Variants in L2HGDH observed in about 807,000 individuals in gnomAD.
L2HGDH encodes the protein L-2-hydroxyglutarate dehydrogenase, mitochondrial.
Under a neutral mutation model 51.5 loss-of-function variants are expected in L2HGDH, and 34 were observed. The observed-to-expected ratio is 0.66, with a 90% confidence interval of 0.50 to 0.88. The LOEUF (loss-of-function observed/expected upper bound fraction) is 0.88, where lower values mean the gene tolerates loss of function less well. Among genes scored for constraint, L2HGDH ranks in the 40% least tolerant of loss-of-function variants. The pLI, the probability that L2HGDH is intolerant of heterozygous loss-of-function variation, is 0.00. For synonymous variants in L2HGDH, 198 were observed against 197.9 expected, an observed-to-expected ratio of 1.00 and a Z score of -0.01; for missense variants, 558 against 571.9, an observed-to-expected ratio of 0.98 and a Z score of 0.25.
chr14:50,267,438 T>C (rs186144972), intron 8 of L2HGDH, among the ~76,000 whole-genome samples: 1 of 152,278 alleles, frequency 6.6e-6, no homozygotes, highest in African/African-American at 2.4e-5. Context: ...TGCCTCGGCC[T>C]CCCAGAGTGC....
chr14:50,281,143 A>G (rs1890246421), intron 5 of L2HGDH, among the ~76,000 whole-genome samples: 1 of 152,166 alleles, frequency 6.6e-6, no homozygotes. Context: ...GGAGAGAAAA[A>G]GGAAAAAAAA....
Position 50,294,169 on chromosome 14 carries a change from C to G in L2HGDH, c.486G>C (p.Pro162=), listed in dbSNP as rs201124642. 1.9e-6 allele frequency: 3 copies of G among 1,613,746 alleles called. No homozygotes were observed. The highest frequency in any genetic ancestry group is 3.3e-5 in the Admixed American group (2 of 59,964). ...LYEKGLQNGV[P]GLRLIQQEDI... ...CCTCCTGCTGGATCAGCCTCAGGCC[C>G]GGGACACCATTCTGGAGGCCTTTCT... The change falls in exon 4 of 10, where the codon CCG becomes CCC. Residue 162 remains proline (P), a synonymous_variant. Coordinates refer to ENST00000267436, the MANE Select transcript of L2HGDH (RefSeq NM_024884.3).
At chr14:50,303,822 A>AC (rs1335647919) in intron 1 of L2HGDH, among the ~76,000 whole-genome samples, 5 of 151,246 alleles carry the variant, frequency 3.3e-5, no homozygotes, top group East Asian at 1.9e-4. Flanking sequence ...AAAAAAAAAA[A>AC]AAAAAACCTC....
At chr14:50,290,987 C>T (rs1890846474) in intron 4 of L2HGDH, among the ~76,000 whole-genome samples, 1 of 151,976 alleles carries the variant, frequency 6.6e-6, no homozygotes, top group Non-Finnish European at 1.5e-5. Flanking sequence ...ATCACAAGGT[C>T]AGGAGTTTGA....
chr14:50,296,904 TAG>T (rs766805144), intron 3 of L2HGDH, among the ~76,000 whole-genome samples: 48 of 152,166 alleles, frequency 3.2e-4, no homozygotes, highest in Non-Finnish European at 6.5e-4. Flanking sequence ...CAGCAACATA[TAG>T]AGAGGATTTT....
At chr14:50,281,289 C>A (rs942128556) in intron 5 of L2HGDH, among the ~76,000 whole-genome samples, 2 of 152,068 alleles carry the variant, frequency 1.3e-5, no homozygotes, top group African/African-American at 4.8e-5. Flanking sequence ...TCCTTTCCAG[C>A]AGTATAATAA....
At chr14:50,287,442 C>G (rs1056817341) in intron 4 of L2HGDH, 1 of 361,760 alleles carries the variant, frequency 2.8e-6, no homozygotes, top group Non-Finnish European at 3.8e-6. Flanking sequence ...TTTTCATGAC[C>G]AAATCTATAA....
rs1890426969 is a variant in L2HGDH, at chr14:50,284,041, A to G, written c.541-8T>C. On this transcript the variant is annotated splice_polypyrimidine_tract_variant and splice_region_variant and intron_variant, in intron 4 of 9. Coordinates refer to ENST00000267436, the MANE Select transcript of L2HGDH (RefSeq NM_024884.3). ...ATCAATAGCCATTAGACCCTGAAACAGAATTATGAAAAGATAACAGATAAG... is the reference window on the plus strand; with the variant it reads ...ATCAATAGCCATTAGACCCTGAAACGGAATTATGAAAAGATAACAGATAAG... The G allele has an allele frequency of 3.7e-6, 6 of 1,611,230 alleles. No homozygotes were observed. The highest frequency in any genetic ancestry group is 5.1e-6 in the Non-Finnish European group (6 of 1,177,616).
intron 4 of L2HGDH, among the ~76,000 whole-genome samples, chr14:50,285,130 C>G (rs1233247857): frequency 6.6e-6 from 1 of 152,154 alleles, no homozygotes; most frequent in East Asian, 1.9e-4. Context: ...ACCTGTAGAC[C>G]CAGCTACTCA....
intron 9 of L2HGDH, among the ~76,000 whole-genome samples, chr14:50,260,226 C>T (rs1033976203): frequency 6.6e-6 from 1 of 151,350 alleles, no homozygotes; most frequent in Non-Finnish European, 1.5e-5. Context: ...TATTTTTTTT[C>T]CAGACTTCCT....
chr14:50,274,464 AAAC>A (rs372050623), intron 6 of L2HGDH, among the ~76,000 whole-genome samples: 187 of 152,340 alleles, frequency 1.2e-3, no homozygotes, highest in Non-Finnish European at 1.9e-3. Context: ...AGACAAAAGA[AAAC>A]AAGCATTGGT....
intron 5 of L2HGDH, among the ~76,000 whole-genome samples, chr14:50,279,054 G>C (rs1017227001): frequency 6.6e-6 from 1 of 152,112 alleles, no homozygotes; most frequent in African/African-American, 2.4e-5. Flanking sequence ...AGATACATGG[G>C]ATCTCAAAGT....
At chr14:50,310,936 C>CTTTTTTTTTTTTTTTTTTTT (rs34399906) in intron 1 of L2HGDH, among the ~76,000 whole-genome samples, 9 of 82,236 alleles carry the variant, frequency 1.1e-4, no homozygotes, top group Non-Finnish European at 1.6e-4. Context: ...CTTTTCTTTT[C>CTTTTTTTTTTTTTTTTTTTT]TTTTTTTTTT....
chr14:50,292,055 G>A (rs190136630), intron 4 of L2HGDH, among the ~76,000 whole-genome samples: 28 of 152,224 alleles, frequency 1.8e-4, no homozygotes, highest in Non-Finnish European at 3.1e-4. Context: ...TACTATTAAT[G>A]AGAGTATCAG....
chr14:50,264,513 A>G (rs535604355), intron 9 of L2HGDH, among the ~76,000 whole-genome samples: 1 of 152,328 alleles, frequency 6.6e-6, no homozygotes, highest in South Asian at 2.1e-4. Context: ...GTAAGGTCCA[A>G]GAAAGAACAA....
intron 9 of L2HGDH, among the ~76,000 whole-genome samples, chr14:50,250,358 C>T (rs1425929948): frequency 6.6e-6 from 1 of 152,222 alleles, no homozygotes; most frequent in Non-Finnish European, 1.5e-5. Context: ...CTGGCAGAAA[C>T]CCTGTGGACC....
intron 1 of L2HGDH, among the ~76,000 whole-genome samples, chr14:50,303,296 C>G (rs2030528781): frequency 6.6e-6 from 1 of 151,702 alleles, no homozygotes; most frequent in South Asian, 2.1e-4. Context: ...GTGGCGCGTG[C>G]CTGTAGTCCC....
chr14:50,251,661 T>C (rs1888360000), intron 9 of L2HGDH, among the ~76,000 whole-genome samples: 1 of 152,038 alleles, frequency 6.6e-6, no homozygotes, highest in Non-Finnish European at 1.5e-5. Flanking sequence ...GGTGCTCCAA[T>C]ATGTCTGGCA....
At chr14:50,293,241 A>C in intron 4 of L2HGDH, 1 of 702,378 alleles carries the variant, frequency 1.4e-6, no homozygotes, top group South Asian at 1.5e-5. Context: ...CACAGTGGGA[A>C]AATAATGGTT....
Sources: allele counts gnomAD v4.1 joint callset (sites outside exome capture counted in the v4.1 genomes callset), GRCh38; gene constraint gnomAD v4.1.1; transcripts MANE v1.5; gene names NCBI Gene and HGNC (gene_info 2026-07-23, HGNC 2026-07-21).